Variants in TRMT11 observed in about 807,000 individuals in gnomAD.
TRMT11 encodes the protein tRNA methyltransferase 11, also known as tRNA (guanine(10)-N(2))-methyltransferase TRMT11.
In TRMT11, 53 loss-of-function variants were observed where a neutral mutation model predicts 62.8. That is an observed-to-expected ratio of 0.84 (90% confidence interval 0.68 to 1.06). The LOEUF (loss-of-function observed/expected upper bound fraction) is 1.06. TRMT11 is among the 50% of genes least tolerant of loss of function. The probability of loss-of-function intolerance (pLI) is 0.00; values close to 1 mark genes in which losing one functional copy is unlikely to be tolerated. For synonymous variants in TRMT11, 188 were observed against 190.3 expected, an observed-to-expected ratio of 0.99 and a Z score of 0.10; for missense variants, 556 against 553.4, an observed-to-expected ratio of 1.00 and a Z score of -0.05.
chr6:126,137,565 C>G (rs919975180), intron 21 of TRMT11, among the ~76,000 whole-genome samples: 2 of 151,644 alleles, frequency 1.3e-5, no homozygotes, highest in Admixed American at 1.3e-4. Context: ...GTAGGAGGTT[C>G]CTCAGAAAAA....
At chr6:126,269,425 T>C in the TRMT11 span, among the ~76,000 whole-genome samples, 246 of 152,142 alleles carry the variant, frequency 1.6e-3, no homozygotes, top group African/African-American at 5.5e-3. Context: ...ACTAAATATA[T>C]GGGCAAAGAG....
chr6:126,188,295 T>C (rs1459491224), intron 1 of TRMT11, among the ~76,000 whole-genome samples: 3 of 151,518 alleles, frequency 2.0e-5, no homozygotes, highest in Non-Finnish European at 4.4e-5. Flanking sequence ...ACAATAAAAA[T>C]CAAATCCATA....
the TRMT11 span, among the ~76,000 whole-genome samples, chr6:126,228,307 G>T: frequency 6.6e-6 from 1 of 152,304 alleles, no homozygotes; most frequent in East Asian, 1.9e-4. Context: ...TCCAGTGTCA[G>T]GGACAGATTG....
chr6:126,253,332 A>G, the TRMT11 span, among the ~76,000 whole-genome samples: 2 of 152,158 alleles, frequency 1.3e-5, no homozygotes, highest in Non-Finnish European at 2.9e-5. Flanking sequence ...CTTTTGGAAC[A>G]CCTTCTGAAG....
chr6:126,208,648 G>A (rs1256016546), downstream of TRMT11, among the ~76,000 whole-genome samples: 1 of 152,196 alleles, frequency 6.6e-6, no homozygotes, highest in Non-Finnish European at 1.5e-5. Flanking sequence ...TGTAGTTTAT[G>A]GGGTATGTTA....
intron 8 of TRMT11, 137 bp downstream of exon 8, chr6:126,008,609 C>A (rs1257158676): frequency 1.3e-6 from 1 of 795,786 alleles, no homozygotes; most frequent in Admixed American, 1.8e-5. Context: ...CCATCTCTGC[C>A]CTCTTGAAAC....
At chr6:126,238,327 T>C in the TRMT11 span, among the ~76,000 whole-genome samples, 1 of 152,238 alleles carries the variant, frequency 6.6e-6, no homozygotes, top group African/African-American at 2.4e-5. Flanking sequence ...AGATCTTTCC[T>C]GCTTTCTCTT....
At chr6:126,115,686 T>C (rs1777578739) in intron 20 of TRMT11, among the ~76,000 whole-genome samples, 1 of 152,144 alleles carries the variant, frequency 6.6e-6, no homozygotes, top group African/African-American at 2.4e-5. Context: ...TTGTCTCTAT[T>C]TCAAAAGCAC....
chr6:126,164,165 C>A (rs1778231877), intron 21 of TRMT11, among the ~76,000 whole-genome samples: 1 of 152,154 alleles, frequency 6.6e-6, no homozygotes, highest in African/African-American at 2.4e-5. Flanking sequence ...GAGATTCTGG[C>A]ATGTTGTGTC....
At chr6:126,246,446 CAT>C in the TRMT11 span, among the ~76,000 whole-genome samples, 5 of 151,976 alleles carry the variant, frequency 3.3e-5, no homozygotes, top group South Asian at 2.1e-4. Context: ...AAAAGTAAAA[CAT>C]AGTGTGAATG....
At chr6:126,259,402 G>T in the TRMT11 span, among the ~76,000 whole-genome samples, 24 of 152,226 alleles carry the variant, frequency 1.6e-4, no homozygotes, top group African/African-American at 4.6e-4. Context: ...TTGCCATGTT[G>T]GCCAGGCTGG....
chr6:126,012,583 T>A (rs1191059490), intron 9 of TRMT11, among the ~76,000 whole-genome samples, 188 bp from the exon 10 acceptor site: 1 of 152,228 alleles, frequency 6.6e-6, no homozygotes, highest in African/African-American at 2.4e-5. Flanking sequence ...TTTTATGACA[T>A]TGACATATTT....
the TRMT11 span, among the ~76,000 whole-genome samples, chr6:126,231,473 T>C: frequency 1.5e-4 from 23 of 152,300 alleles, no homozygotes; most frequent in African/African-American, 4.6e-4. Context: ...TATACGTTAA[T>C]TGACTATTAT....
At chr6:125,998,508 T>C in intron 5 of TRMT11, 42 bp from the exon 6 acceptor site, 1 of 1,580,226 alleles carries the variant, frequency 6.3e-7, no homozygotes, top group Non-Finnish European at 8.6e-7. Context: ...TTTTTCATTG[T>C]AAATTATTAT....
rs184400945 is a variant in TRMT11 at position 126,184,660 on chromosome 6, T to C, written n.143+7325T>C. On this transcript the variant is annotated intron_variant and non_coding_transcript_variant, in intron 1 of 3. Coordinates refer to the TRMT11 transcript ENST00000444229. ...CTTTCTCTTGGTGCTTTCTCTTGGTTCCTTCAGACCTTCTTGGGCTCCCTC... is the reference window on the plus strand; with the variant it reads ...CTTTCTCTTGGTGCTTTCTCTTGGTCCCTTCAGACCTTCTTGGGCTCCCTC... Among the ~76,000 whole-genome samples the C allele has an allele frequency of 3.4e-3, 516 of 152,214 alleles. 4 individuals are homozygous for C. The highest frequency in any genetic ancestry group is 3.4e-3 in the Middle Eastern group (1 of 294).
At chr6:126,114,689 C>T (rs1411801719) in intron 18 of TRMT11, among the ~76,000 whole-genome samples, 1 of 152,038 alleles carries the variant, frequency 6.6e-6, no homozygotes, top group East Asian at 1.9e-4. Context: ...TATTATTCAT[C>T]TTTGCTTTTT....
At chr6:126,229,552 A>G in the TRMT11 span, among the ~76,000 whole-genome samples, 5 of 152,260 alleles carry the variant, frequency 3.3e-5, no homozygotes, top group Non-Finnish European at 2.9e-5. Context: ...CAACTCTTTT[A>G]GGAAAGTGGC....
At chr6:126,236,552 T>C in the TRMT11 span, among the ~76,000 whole-genome samples, 9 of 152,360 alleles carry the variant, frequency 5.9e-5, 1 homozygote, top group East Asian at 1.7e-3. Context: ...TTCTAATCAT[T>C]TCTTAGATTA....
chr6:126,231,067 A>G, the TRMT11 span, among the ~76,000 whole-genome samples: 5 of 152,328 alleles, frequency 3.3e-5, no homozygotes, highest in African/African-American at 1.2e-4. Flanking sequence ...TAAAAAATGT[A>G]TAATAGGAGC....
Sources: gnomAD v4.1 joint callset for allele counts (sites outside exome capture counted in the v4.1 genomes callset) on GRCh38, gnomAD v4.1.1 for gene constraint, MANE v1.5 for transcripts, NCBI Gene and HGNC (gene_info 2026-07-23, HGNC 2026-07-21) for gene names.